The following BRAF variants were observed in gnomAD, a reference collection of about 807,000 sequenced individuals.
The protein encoded by BRAF is serine/threonine-protein kinase B-raf.
Under a neutral mutation model 104.6 loss-of-function variants are expected in BRAF, and 16 were observed. The ratio of observed to expected loss-of-function variants is 0.15; its 90% CI spans 0.10 to 0.23. The LOEUF (loss-of-function observed/expected upper bound fraction) is 0.23, where lower values mean the gene tolerates loss of function less well. Among genes scored for constraint, BRAF ranks in the 10% least tolerant of loss-of-function variants. BRAF has a pLI of 1.00. For missense variants in BRAF, 541 were observed against 937.3 expected (o/e 0.58, Z 5.52); for synonymous variants, 310 against 341.6 (o/e 0.91, Z 1.02).
chr7:140,808,973 G>C lies in BRAF; in HGVS notation c.527C>G (p.Thr176Arg), dbSNP rs780556975. Residue 176 changes from threonine to arginine, a missense_variant, in exon 4 of 20, where the codon ACA becomes AGA. Thr to Arg is a moderately conservative substitution (Grantham distance 71, BLOSUM62 -1). This residue lies in a region of BRAF where 26 missense variants were observed against 74.4 expected (regional missense o/e 0.35). Transcript: ENST00000644969. ...RTVVPARCGV[T>R]VRDSLKKALM... ...TGCTTTCTTTAGACTGTCTCGGACT[G>C]TAACTCCACACCTTGCAGGTACCTA... is the stretch of plus-strand genomic sequence containing the variant. 1 of 1,612,690 alleles carries C rather than the reference G, an allele frequency of 6.2e-7. No individual in the cohort carries two copies.
rs1191427036 is a variant in BRAF at position 140,725,245 on chromosome 7, A to T, written c.*1249T>A. ...GGAATCAGTTGGAAGAAACAATGAG[A>T]TTATTAGCAAAGATGTTAGTGTGGA... On this transcript the variant is annotated 3_prime_UTR_variant, in exon 20 of 20. Transcript: ENST00000644969. The T allele has an allele frequency of 1.9e-6, 2 of 1,044,790 alleles. No individual in the cohort carries two copies. The highest frequency in any genetic ancestry group is 2.3e-6 in the Non-Finnish European group (2 of 866,136). The allele number at this position is 1,044,790 out of a possible 1,614,324, so 64.7% of individuals were successfully genotyped here.
At chr7:140,757,314 A>G (rs1311658662) in intron 14 of BRAF, among the ~76,000 whole-genome samples, 1 of 151,904 alleles carries the variant, frequency 6.6e-6, no homozygotes, top group African/African-American at 2.4e-5. Flanking sequence ...TTTTTGAGAC[A>G]GAGTCTCACT....
chr7:140,833,611 T>C (rs1274759534), intron 3 of BRAF, among the ~76,000 whole-genome samples: 1 of 152,206 alleles, frequency 6.6e-6, no homozygotes, highest in African/African-American at 2.4e-5. Context: ...GTTTTACAAA[T>C]TGATTTGTAA....
rs1194439241 is a variant in BRAF at position 140,809,860 on chromosome 7, G to A, written c.505-865C>T. Among the ~76,000 whole-genome samples the A allele has an allele frequency of 2.0e-5, 3 of 151,548 alleles. No individual in the cohort carries two copies. The East Asian group carries it at 5.8e-4, about 29-fold the overall frequency. On this transcript the variant is annotated intron_variant, in intron 3 of 19. Coordinates refer to ENST00000644969, the MANE Select transcript of BRAF (RefSeq NM_001374258.1). ...TGGGAAGAGAGAGACAGAGAAGGAGGGAAAGGGAAAGGGAAAAAAAAAGTA... is the reference window on the plus strand; with the variant it reads ...TGGGAAGAGAGAGACAGAGAAGGAGAGAAAGGGAAAGGGAAAAAAAAAGTA...
At chr7:140,780,865 G>T (rs1383186469) in intron 12 of BRAF, 1 of 152,014 alleles carries the variant, frequency 6.6e-6, no homozygotes, top group Non-Finnish European at 1.5e-5. Flanking sequence ...TCTATTTTTT[G>T]AATTTGCAAT....
chr7:140,916,583 C>A (rs925601598), intron 1 of BRAF, among the ~76,000 whole-genome samples: 4 of 152,296 alleles, frequency 2.6e-5, no homozygotes, highest in Middle Eastern at 3.4e-3. Context: ...TTTGATTACA[C>A]CTCATAATGC....
intron 2 of BRAF, among the ~76,000 whole-genome samples, chr7:140,843,653 T>C (rs1474418599): frequency 6.6e-6 from 1 of 152,240 alleles, no homozygotes; most frequent in Non-Finnish European, 1.5e-5. Context: ...TTTATATATA[T>C]ACAACACATA....
At chr7:140,883,584 T>C (rs1054095811) in intron 1 of BRAF, among the ~76,000 whole-genome samples, 6 of 152,176 alleles carry the variant, frequency 3.9e-5, no homozygotes, top group African/African-American at 1.2e-4. Context: ...AAGCCCACAC[T>C]TTCTGTTCCT....
At chr7:140,728,890 A>C (rs1795763371) in intron 19 of BRAF, among the ~76,000 whole-genome samples, 1 of 152,042 alleles carries the variant, frequency 6.6e-6, no homozygotes. Context: ...GCTAATATCT[A>C]AGCCAAATGT....
At chr7:140,805,960 A>G (rs1165455896) in intron 5 of BRAF, among the ~76,000 whole-genome samples, 2 of 152,132 alleles carry the variant, frequency 1.3e-5, no homozygotes, top group African/African-American at 2.4e-5. Context: ...CAAGCTTACA[A>G]CTATTACATT....
chr7:140,920,685 T>C (rs1436069386), intron 1 of BRAF, among the ~76,000 whole-genome samples: 1 of 152,208 alleles, frequency 6.6e-6, no homozygotes, highest in Non-Finnish European at 1.5e-5. Context: ...TTTATTCCTT[T>C]AATGGCCAAC....
At chr7:140,775,001 A>G (rs1253683484) in intron 14 of BRAF, among the ~76,000 whole-genome samples, 2 of 152,222 alleles carry the variant, frequency 1.3e-5, no homozygotes, top group Admixed American at 1.3e-4. Flanking sequence ...TACAGCCTGC[A>G]TTCTAGTGGG....
At chr7:140,869,065 A>C (rs1178538355) in intron 1 of BRAF, among the ~76,000 whole-genome samples, 2 of 152,210 alleles carry the variant, frequency 1.3e-5, no homozygotes, top group African/African-American at 2.4e-5. Context: ...AGAATGAAGA[A>C]GGAACACTGA....
rs1431235224 is a variant in BRAF, at chr7:140,726,383, A to G, written c.*111T>C. The G allele has an allele frequency of 2.7e-6, 4 of 1,506,518 alleles. 1 individual carries two copies. In the African/African-American group the frequency reaches 4.2e-5, roughly 16 times the overall value. 93.3% of individuals were successfully genotyped at this position (1,506,518 alleles called of 1,614,324 possible). A position where few individuals can be genotyped will look rare whatever the true frequency, so the allele number is the denominator to read the frequency against. On this transcript the variant is annotated 3_prime_UTR_variant, in exon 20 of 20. Transcript: ENST00000644969. ...TGTTCCACATCAGCTTATGCATTGG[A>G]AATTTTGTATCTTTAAAAAAAGATT... is the stretch of plus-strand genomic sequence containing the variant.
intron 15 of BRAF, chr7:140,753,673 C>A: frequency 3.0e-6 from 1 of 332,854 alleles, no homozygotes; most frequent in South Asian, 3.1e-5. Flanking sequence ...TAAAACTTTC[C>A]CATTAGATTT....
Position 140,719,998 on chromosome 7 carries a change from C to G in BRAF, c.*6496G>C. On this transcript the variant is annotated 3_prime_UTR_variant, in exon 20 of 20. Transcript: ENST00000644969. ...ACAGGAAGCATCTCCCTTTCCTCTC[C>G]CTTACAGGAGTCATGTCCTCAAACC... 1.9e-6 allele frequency: 2 copies of G among 1,062,430 alleles called. No homozygotes were observed. The highest frequency in any genetic ancestry group is 2.3e-6 in the Non-Finnish European group (2 of 877,514). The allele number at this position is 1,062,430 out of a possible 1,614,324, so 65.8% of individuals were successfully genotyped here.
At chr7:140,771,855 G>C (rs1799871231) in intron 14 of BRAF, among the ~76,000 whole-genome samples, 1 of 152,144 alleles carries the variant, frequency 6.6e-6, no homozygotes, top group Non-Finnish European at 1.5e-5. Context: ...ATTATCATTT[G>C]TGCTCAGGGT....
chr7:140,804,484 G>A (rs756566051), intron 5 of BRAF, among the ~76,000 whole-genome samples: 4 of 151,132 alleles, frequency 2.6e-5, no homozygotes, highest in Non-Finnish European at 5.9e-5. Context: ...TATAAAACCA[G>A]TTACAACTCA....
intron 1 of BRAF, among the ~76,000 whole-genome samples, chr7:140,908,060 A>G (rs960484861): frequency 3.9e-5 from 6 of 152,198 alleles, no homozygotes; most frequent in African/African-American, 1.4e-4. Flanking sequence ...TCACTTTATA[A>G]GAGTCTTTTG....
Sources: gnomAD v4.1 joint callset for allele counts (sites outside exome capture counted in the v4.1 genomes callset) on GRCh38, gnomAD v4.1.1 for gene constraint, gnomAD v4.1.1 regional missense constraint, MANE v1.5 for transcripts, NCBI Gene and HGNC (gene_info 2026-07-23, HGNC 2026-07-21) for gene names.